Variants in KLF12 observed in about 807,000 individuals in gnomAD.
KLF12 encodes the protein KLF transcription factor 12.
KLF12 carries 9 observed loss-of-function variants against 37.8 expected under a neutral mutation model. The ratio of observed to expected loss-of-function variants is 0.24; its 90% CI spans 0.14 to 0.42. KLF12 has a LOEUF of 0.42. Ranked by LOEUF, KLF12 falls within the 10% of genes least tolerant of loss-of-function variation. KLF12 has a pLI of 1.00. For synonymous variants in KLF12, 208 were observed against 202.1 expected, an observed-to-expected ratio of 1.03 and a Z score of -0.25; for missense variants, 411 against 516.0, an observed-to-expected ratio of 0.80 and a Z score of 1.97.
the KLF12 span, among the ~76,000 whole-genome samples, chr13:74,278,475 A>G: frequency 6.6e-6 from 1 of 152,162 alleles, no homozygotes; most frequent in African/African-American, 2.4e-5. Context: ...TTCTTCCACA[A>G]GGGAATCTGT....
chr13:74,140,982 A>G, the KLF12 span, among the ~76,000 whole-genome samples: 11 of 152,040 alleles, frequency 7.2e-5, no homozygotes, highest in South Asian at 6.3e-4. Context: ...GGAGAATGGC[A>G]TGAACCTGGG....
chr13:74,241,196 C>A, the KLF12 span, among the ~76,000 whole-genome samples: 37 of 152,158 alleles, frequency 2.4e-4, no homozygotes, highest in African/African-American at 8.4e-4. Flanking sequence ...TGTTGGAGTA[C>A]CCAGCCATGT....
rs1566298716 is a variant in KLF12, at chr13:73,691,901, T to G, written c.*3589A>C. ...AAGCTATTCCAAATCTGAACCATAATGAAAACGGCCTTTCTAATCACCTGG... is the reference window on the plus strand; with the variant it reads ...AAGCTATTCCAAATCTGAACCATAAGGAAAACGGCCTTTCTAATCACCTGG... On this transcript the variant is annotated 3_prime_UTR_variant, in exon 8 of 8. Transcript: ENST00000377669. 3 of 152,756 alleles carry G rather than the reference T, an allele frequency of 2.0e-5. No individual in the cohort carries two copies. The South Asian group carries it at 6.2e-4, about 32-fold the overall frequency. The allele number at this position is 152,756 out of a possible 1,614,324, so 9.5% of individuals were successfully genotyped here.
intron 5 of KLF12, among the ~76,000 whole-genome samples, chr13:73,809,792 A>C (rs1594116734): frequency 6.6e-6 from 1 of 152,282 alleles, no homozygotes; most frequent in East Asian, 1.9e-4. Context: ...GGGTCCTGGC[A>C]TTCTAGGGCT....
At chr13:73,784,630 CCTTT>C (rs1881198656) in intron 5 of KLF12, among the ~76,000 whole-genome samples, 1 of 147,708 alleles carries the variant, frequency 6.8e-6, no homozygotes, top group African/African-American at 2.5e-5. Flanking sequence ...TTCCTCATCT[CCTTT>C]TTTTTTTTTT....
chr13:73,752,081 C>CAA (rs1335028617), intron 6 of KLF12, among the ~76,000 whole-genome samples: 1 of 152,186 alleles, frequency 6.6e-6, no homozygotes, highest in South Asian at 2.1e-4. Flanking sequence ...CTCCTGGGTT[C>CAA]AAGTGATTCT....
At chr13:73,924,460 T>C (rs1196680318) in intron 3 of KLF12, among the ~76,000 whole-genome samples, 1 of 152,170 alleles carries the variant, frequency 6.6e-6, no homozygotes, top group Non-Finnish European at 1.5e-5. Flanking sequence ...TTGATGTAAC[T>C]ACAGTGATTT....
chr13:74,013,138 C>T (rs536797000), intron 1 of KLF12, among the ~76,000 whole-genome samples: 1 of 152,344 alleles, frequency 6.6e-6, no homozygotes, highest in East Asian at 1.9e-4. Context: ...ATTCCCTGAA[C>T]CCCTAACCTT....
At chr13:74,298,434 G>A in the KLF12 span, among the ~76,000 whole-genome samples, 62 of 152,236 alleles carry the variant, frequency 4.1e-4, no homozygotes, top group South Asian at 5.0e-3. Flanking sequence ...GTTGTTCTGC[G>A]TTTCAAATGC....
At chr13:74,256,582 G>A in the KLF12 span, among the ~76,000 whole-genome samples, 4 of 152,184 alleles carry the variant, frequency 2.6e-5, no homozygotes, top group Non-Finnish European at 5.9e-5. Context: ...CAGCGAATCA[G>A]TAGGGTAAAG....
intron 3 of KLF12, among the ~76,000 whole-genome samples, chr13:73,850,285 G>A (rs566252123): frequency 3.6e-4 from 55 of 151,902 alleles, no homozygotes; most frequent in Non-Finnish European, 6.5e-4. Context: ...TGAGTGATCT[G>A]GAAATTACAT....
At chr13:74,051,436 C>T (rs1261672555) in intron 1 of KLF12, among the ~76,000 whole-genome samples, 1 of 151,546 alleles carries the variant, frequency 6.6e-6, no homozygotes, top group Non-Finnish European at 1.5e-5. Flanking sequence ...ATATTTCAGG[C>T]AAACTGGAAA....
At chr13:73,769,967 A>C (rs1382617241) in intron 5 of KLF12, among the ~76,000 whole-genome samples, 1 of 152,200 alleles carries the variant, frequency 6.6e-6, no homozygotes, top group African/African-American at 2.4e-5. Context: ...ATTATGTACA[A>C]ATACGTTCTT....
intron 6 of KLF12, among the ~76,000 whole-genome samples, chr13:73,752,728 A>ATT (rs1487067789): frequency 8.6e-6 from 1 of 115,882 alleles, no homozygotes; most frequent in Non-Finnish European, 1.7e-5. Context: ...TTCCACATAT[A>ATT]TATTTTTTTT....
chr13:74,061,419 T>G (rs1407886196), intron 1 of KLF12, among the ~76,000 whole-genome samples: 1 of 152,156 alleles, frequency 6.6e-6, no homozygotes, highest in Admixed American at 6.5e-5. Context: ...CCAGAAAAAT[T>G]TAATATAAGC....
At chr13:73,850,109 T>C (rs547809769) in intron 3 of KLF12, among the ~76,000 whole-genome samples, 1 of 152,056 alleles carries the variant, frequency 6.6e-6, no homozygotes, top group African/African-American at 2.4e-5. Flanking sequence ...GAAAAGTAAA[T>C]GGAACAATAT....
rs544754015 is a variant in KLF12, at chr13:73,992,265, C to T, written c.33+2725G>A. 2.0e-3 allele frequency among the ~76,000 whole-genome samples: 307 copies of T among 152,258 alleles called. 3 individuals are homozygous for T. Among genetic ancestry groups the T allele is most frequent in the East Asian group, 5.8e-3 (30 of 5,182 alleles). ...CAGAGAGGACAACTGCTGAAATACG[C>T]TGAAGTGTGTATCCACCAGATTTTA... On this transcript the variant is annotated intron_variant, in intron 2 of 7. Coordinates refer to ENST00000377669, the MANE Select transcript of KLF12 (RefSeq NM_007249.5).
chr13:74,123,508 G>A (rs549619693), intron 1 of KLF12, among the ~76,000 whole-genome samples: 2 of 152,236 alleles, frequency 1.3e-5, no homozygotes, highest in Admixed American at 6.5e-5. Context: ...TTTTATCTAC[G>A]TATGTATTTA....
intron 1 of KLF12, among the ~76,000 whole-genome samples, chr13:74,110,438 T>C (rs1876908027): frequency 6.6e-6 from 1 of 152,236 alleles, no homozygotes; most frequent in Non-Finnish European, 1.5e-5. Context: ...CAATGTATTC[T>C]GTCTCTTCCT....
Sources: allele counts gnomAD v4.1 joint callset (sites outside exome capture counted in the v4.1 genomes callset), GRCh38; gene constraint gnomAD v4.1.1; transcripts MANE v1.5; gene names NCBI Gene and HGNC (gene_info 2026-07-23, HGNC 2026-07-21).